MPC1: variants seen among roughly 807,000 people sequenced by gnomAD.
MPC1 encodes the protein mitochondrial pyruvate carrier 1.
Under a neutral mutation model 13.9 loss-of-function variants are expected in MPC1, and 6 were observed. The observed-to-expected ratio is 0.43, with a 90% CI of 0.24 to 0.85. The LOEUF is 0.85. Among genes scored for constraint, MPC1 ranks in the 40% least tolerant of loss-of-function variants. The pLI is 0.24. For missense variants in MPC1, 115 were observed against 143.3 expected (o/e 0.80, Z 1.01); for synonymous variants, 47 against 50.5 (o/e 0.93, Z 0.29).
chr6:166,366,827 G>C lies in MPC1; in HGVS notation c.140C>G (p.Ser47Cys). 1 of 1,614,076 alleles carries C rather than the reference G, an allele frequency of 6.2e-7. No homozygotes were observed. Among genetic ancestry groups the C allele is most frequent in the Non-Finnish European group, 8.5e-7 (1 of 1,179,946 alleles). Residue 47 changes from serine (S) to cysteine (C), a missense_variant, in exon 3 of 5, where the codon TCT becomes TGT. Ser to Cys is a moderately radical substitution (Grantham distance 112). Coordinates refer to ENST00000360961, the MANE Select transcript of MPC1 (RefSeq NM_016098.4). The stretch of plus-strand genomic sequence containing the variant: ...CATCCGCCCACTGATAATCTCTGGA[G>C]ACTTTTTCATATCATTGATGGCAGC... ...PIAAINDMKK[S>C]PEIISGRMTF...
intron 1 of MPC1, among the ~76,000 whole-genome samples, chr6:166,382,494 G>A (rs1373443022): frequency 6.7e-6 from 1 of 150,050 alleles, no homozygotes; most frequent in Non-Finnish European, 1.5e-5. Context: ...CCCGCCCTGA[G>A]GAGCGCCCAC....
intron 2 of MPC1, 97 bp downstream of exon 2, chr6:166,370,121 G>A (rs923925796): frequency 1.3e-6 from 1 of 777,126 alleles, no homozygotes; most frequent in Non-Finnish European, 2.4e-6. Flanking sequence ...CGGCTAGAAA[G>A]GCTCTCATAT....
chr6:166,365,586 T>C lies in MPC1; in HGVS notation c.306-133A>G. On this transcript the variant is annotated intron_variant, in intron 4 of 4. Transcript: ENST00000360961. The surrounding 1 kb of genome is among the most constrained non-coding windows in gnomAD (Gnocchi z 4.2). The stretch of plus-strand genomic sequence containing the variant: ...CTTACAACTTATAAAAACAATAATA[T>C]AGGTTGGGTATCCCTCATCTGAAAT... 2.8e-6 allele frequency: 2 copies of C among 703,244 alleles called. No individual in the cohort carries two copies. The highest frequency in any genetic ancestry group is 4.4e-6 in the Non-Finnish European group (2 of 457,480). 43.6% of individuals were successfully genotyped at this position (703,244 alleles called of 1,614,324 possible).
intron 1 of MPC1, among the ~76,000 whole-genome samples, chr6:166,376,937 G>C (rs1055704731): frequency 2.0e-5 from 3 of 151,978 alleles, no homozygotes; most frequent in South Asian, 2.1e-4. Flanking sequence ...GGTACTTTTA[G>C]TCTACTGATA....
At chr6:166,367,303 C>G in intron 2 of MPC1, 1 of 487,692 alleles carries the variant, frequency 2.1e-6, no homozygotes, top group Non-Finnish European at 2.7e-6. Flanking sequence ...TATCCACACT[C>G]CTTTTCCCAA....
At chr6:166,370,356 C>A in intron 1 of MPC1, 135 bp from the exon 2 acceptor site, 1 of 609,518 alleles carries the variant, frequency 1.6e-6, no homozygotes, top group Non-Finnish European at 2.9e-6. Context: ...AGGACTACAA[C>A]GTTAACAGTG....
chr6:166,368,594 G>T, intron 2 of MPC1: 1 of 188,614 alleles, frequency 5.3e-6, no homozygotes, highest in Non-Finnish European at 9.8e-6. Context: ...ACAAGTTGGA[G>T]AGAAGTACAC....
intron 1 of MPC1, among the ~76,000 whole-genome samples, chr6:166,374,349 T>C (rs1779495645): frequency 6.6e-6 from 1 of 152,212 alleles, no homozygotes; most frequent in African/African-American, 2.4e-5. Context: ...TTATCAGTTA[T>C]GTCCTCTGCA....
chr6:166,365,897 C>G lies in MPC1; in HGVS notation c.305+77G>C, dbSNP rs1779131678. 2 of 1,565,284 alleles carry G rather than the reference C, an allele frequency of 1.3e-6. No individual in the cohort carries two copies. Among genetic ancestry groups the G allele is most frequent in the East Asian group, 2.2e-5 (1 of 44,452 alleles). ...ACACTCCAGTCCCGCAGCACTCCCT[C>G]AGAAAAGATTTTAGTTTCACTCTCC... On this transcript the variant is annotated intron_variant, in intron 4 of 4. Transcript: ENST00000360961. The surrounding 1 kb of genome is among the most constrained non-coding windows in gnomAD (Gnocchi z 4.2).
chr6:166,373,941 T>C (rs1030598319), intron 1 of MPC1, among the ~76,000 whole-genome samples: 1 of 152,214 alleles, frequency 6.6e-6, no homozygotes, highest in African/African-American at 2.4e-5. Context: ...GGCCCATTTT[T>C]AATTTAGTTC....
intron 1 of MPC1, among the ~76,000 whole-genome samples, chr6:166,370,850 A>C (rs777808541): frequency 5.9e-5 from 9 of 152,202 alleles, no homozygotes; most frequent in Non-Finnish European, 1.2e-4. Flanking sequence ...AGGAAAAGAA[A>C]AGTAGAAAAG....
intron 1 of MPC1, among the ~76,000 whole-genome samples, chr6:166,381,493 T>C (rs979453396): frequency 1.3e-5 from 2 of 152,216 alleles, no homozygotes; most frequent in African/African-American, 4.8e-5. Flanking sequence ...CTTTCATCTC[T>C]TTACCTCTTG....
intron 1 of MPC1, among the ~76,000 whole-genome samples, chr6:166,373,925 G>A (rs997248124): frequency 2.6e-5 from 4 of 152,160 alleles, no homozygotes; most frequent in African/African-American, 9.7e-5. Context: ...ATCTGCTTAA[G>A]TCTTCGGCCC....
At chr6:166,370,146 G>A (rs779634062) in intron 2 of MPC1, 72 bp downstream of exon 2, 2 of 780,722 alleles carry the variant, frequency 2.6e-6, no homozygotes, top group African/African-American at 3.4e-5. Flanking sequence ...AGGATGCTAA[G>A]CCTGTTACCC....
At chr6:166,375,701 G>T (rs376453954) in intron 1 of MPC1, among the ~76,000 whole-genome samples, 1 of 152,120 alleles carries the variant, frequency 6.6e-6, no homozygotes, top group Non-Finnish European at 1.5e-5. Flanking sequence ...AAGTATCGGG[G>T]ATTTTCCAGC....
At position 166,365,620 on chromosome 6, in the gene MPC1, C is replaced by T. The variant is rs570631134; in HGVS notation, c.306-167G>A. Among the ~76,000 whole-genome samples the T allele has an allele frequency of 1.0e-3, 157 of 152,240 alleles. No homozygotes were observed. Among genetic ancestry groups the T allele is most frequent in the African/African-American group, 3.7e-3 (153 of 41,542 alleles). On this transcript the variant is annotated intron_variant, in intron 4 of 4. Coordinates refer to ENST00000360961, the MANE Select transcript of MPC1 (RefSeq NM_016098.4). This position sits in a 1 kb window ranked among gnomAD's most constrained non-coding sequence, Gnocchi z 4.2. ...TATCCCTCATCTGAAATGCTTAGGC[C>T]CAGACATGTTTCAGATTTTTTCAGA...
chr6:166,368,086 A>C (rs1779228435), intron 2 of MPC1, among the ~76,000 whole-genome samples: 1 of 152,200 alleles, frequency 6.6e-6, no homozygotes, highest in South Asian at 2.1e-4. Flanking sequence ...TAAATTAGGC[A>C]CAGTTGGTTT....
chr6:166,374,262 G>C (rs1192738339), intron 1 of MPC1, among the ~76,000 whole-genome samples: 2 of 152,152 alleles, frequency 1.3e-5, no homozygotes, highest in African/African-American at 4.8e-5. Context: ...CAAAGTGCTG[G>C]GATTACAGGA....
chr6:166,365,447 A>C lies in MPC1; in HGVS notation c.312T>G (p.Thr104=). The part of the protein sequence containing the change: ...QGGRLIKHEM[T]KTASA ...TCCATTGTTATGCAGATGCCGTTTT[A>C]GTCATCCTGGAAAGAAACAAAAAGA... Residue 104 remains threonine, a synonymous_variant, in exon 5 of 5, where the codon ACT becomes ACG. Coordinates refer to ENST00000360961, the MANE Select transcript of MPC1 (RefSeq NM_016098.4). The surrounding 1 kb of genome is among the most constrained non-coding windows in gnomAD (Gnocchi z 4.2). 1 of 1,583,904 alleles carries C rather than the reference A, an allele frequency of 6.3e-7. No individual in the cohort carries two copies. Among genetic ancestry groups the C allele is most frequent in the Non-Finnish European group, 8.6e-7 (1 of 1,163,252 alleles).
Sources: gnomAD v4.1 joint callset for allele counts (sites outside exome capture counted in the v4.1 genomes callset) on GRCh38, gnomAD v4.1.1 for gene constraint, Gnocchi (gnomAD v3.1) non-coding constraint, MANE v1.5 for transcripts, NCBI Gene and HGNC (gene_info 2026-07-23, HGNC 2026-07-21) for gene names.